The following LCLAT1 variants were observed in gnomAD, a reference collection of about 807,000 sequenced individuals.
LCLAT1 encodes the protein 1-AGP acyltransferase 8.
A neutral mutation model predicts 30.7 loss-of-function variants in LCLAT1; 11 were observed. That is an observed-to-expected ratio of 0.36 (90% confidence interval 0.23 to 0.59). The LOEUF (loss-of-function observed/expected upper bound fraction) is 0.59, where lower values mean the gene tolerates loss of function less well. Among genes scored for constraint, LCLAT1 ranks in the 20% least tolerant of loss-of-function variants. LCLAT1 has a pLI of 0.77. For missense variants in LCLAT1, 402 were observed against 458.6 expected, an observed-to-expected ratio of 0.88 and a Z score of 1.13; for synonymous variants, 155 against 151.3, an observed-to-expected ratio of 1.02 and a Z score of -0.18.
intron 1 of LCLAT1, among the ~76,000 whole-genome samples, chr2:30,456,344 G>A (rs1176169168): frequency 6.6e-6 from 1 of 152,186 alleles, no homozygotes; most frequent in East Asian, 1.9e-4. Context: ...TCTCATTACT[G>A]CCAGGTGGGA....
chr2:30,465,241 C>T lies in LCLAT1; in HGVS notation c.-5+17858C>T, dbSNP rs76939043. On this transcript the variant is annotated intron_variant, in intron 1 of 5. Coordinates refer to ENST00000379509, the MANE Select transcript of LCLAT1 (RefSeq NM_001002257.3). ...CAAAGTGAGGCAGAGGGAGATTATACGTACACAGAGGAGGAGGAGGCAGTT... is the reference window on the plus strand; with the variant it reads ...CAAAGTGAGGCAGAGGGAGATTATATGTACACAGAGGAGGAGGAGGCAGTT... Among the ~76,000 whole-genome samples the T allele has an allele frequency of 8.0e-3, 1,216 of 152,154 alleles. 22 individuals are homozygous for T. The highest frequency in any genetic ancestry group is 0.05 in the East Asian group (260 of 5,186).
intron 5 of LCLAT1, among the ~76,000 whole-genome samples, chr2:30,614,592 G>A (rs1006098841): frequency 1.3e-5 from 2 of 152,082 alleles, no homozygotes; most frequent in Admixed American, 6.6e-5. Context: ...GGTTTTGGGG[G>A]AAAGGCCAAA....
chr2:30,465,412 T>G (rs1428041657), intron 1 of LCLAT1, among the ~76,000 whole-genome samples: 2 of 152,196 alleles, frequency 1.3e-5, no homozygotes, highest in Non-Finnish European at 2.9e-5. Context: ...TGATACTGCT[T>G]TCAGACTTTT....
chr2:30,596,915 CTTGT>C (rs1326990023), intron 5 of LCLAT1, among the ~76,000 whole-genome samples: 2 of 130,846 alleles, frequency 1.5e-5, no homozygotes, highest in African/African-American at 2.9e-5. Flanking sequence ...TTCCCCATTG[CTTGT>C]TTTTGTCAGG....
chr2:30,475,516 A>G (rs1324339103), intron 1 of LCLAT1, among the ~76,000 whole-genome samples: 1 of 152,192 alleles, frequency 6.6e-6, no homozygotes, highest in Non-Finnish European at 1.5e-5. Context: ...TGGATTACTG[A>G]CCTATACAAC....
intron 1 of LCLAT1, among the ~76,000 whole-genome samples, chr2:30,461,288 T>C (rs1682110623): frequency 6.6e-6 from 1 of 152,172 alleles, no homozygotes; most frequent in Non-Finnish European, 1.5e-5. Flanking sequence ...GGTCTCAGAG[T>C]GCAGTGTGCT....
intron 4 of LCLAT1, among the ~76,000 whole-genome samples, chr2:30,562,558 C>T (rs1271737545): frequency 1.3e-5 from 2 of 152,088 alleles, no homozygotes; most frequent in Non-Finnish European, 2.9e-5. Context: ...CCTAAGGTCA[C>T]TCAGTTAATC....
At chr2:30,534,817 A>T (rs984301870) in intron 3 of LCLAT1, among the ~76,000 whole-genome samples, 5 of 152,138 alleles carry the variant, frequency 3.3e-5, no homozygotes, top group Non-Finnish European at 5.9e-5. Context: ...TAGAGGAGGG[A>T]GCATAGCCCC....
Position 30,447,781 on chromosome 2 carries a change from G to C in LCLAT1, c.-5+398G>C, listed in dbSNP as rs74597758. ...TGCACTGTCCCGGAACGCAACCTGA[G>C]GTCTGACCCTGTTAAATCCCATGCA... On this transcript the variant is annotated intron_variant, in intron 1 of 5. Coordinates refer to ENST00000379509, the MANE Select transcript of LCLAT1 (RefSeq NM_001002257.3). Among the ~76,000 whole-genome samples the C allele has an allele frequency of 9.7e-3, 1,481 of 152,358 alleles. 25 individuals carry two copies. Among genetic ancestry groups the C allele is most frequent in the African/African-American group, 0.034 (1,396 of 41,588 alleles).
At chr2:30,622,476 C>T (rs796350057) in intron 5 of LCLAT1, among the ~76,000 whole-genome samples, 16 of 152,300 alleles carry the variant, frequency 1.1e-4, no homozygotes, top group African/African-American at 3.1e-4. Flanking sequence ...AAAGTGCCAC[C>T]TCCTAGCTGG....
intron 5 of LCLAT1, among the ~76,000 whole-genome samples, chr2:30,583,933 A>G (rs1369960757): frequency 6.6e-6 from 1 of 151,820 alleles, no homozygotes; most frequent in East Asian, 1.9e-4. Context: ...TCCAGGATAC[A>G]TATGCAGAAC....
At chr2:30,461,568 G>C (rs539717108) in intron 1 of LCLAT1, among the ~76,000 whole-genome samples, 7 of 151,916 alleles carry the variant, frequency 4.6e-5, no homozygotes, top group Admixed American at 4.6e-4. Flanking sequence ...GCCCAGGTCT[G>C]ATTTTATCAT....
chr2:30,505,492 A>G (rs1684615777), intron 1 of LCLAT1, among the ~76,000 whole-genome samples: 1 of 152,170 alleles, frequency 6.6e-6, no homozygotes. Context: ...TAGATGATTT[A>G]TAAAATATTC....
chr2:30,464,907 G>C (rs1382465640), intron 1 of LCLAT1, among the ~76,000 whole-genome samples: 1 of 152,008 alleles, frequency 6.6e-6, no homozygotes, highest in Non-Finnish European at 1.5e-5. Context: ...TTTACATAGA[G>C]ATGGAATTTT....
intron 5 of LCLAT1, among the ~76,000 whole-genome samples, chr2:30,613,656 G>A (rs916895172): frequency 7.7e-6 from 1 of 130,218 alleles, no homozygotes; most frequent in Non-Finnish European, 1.6e-5. Context: ...TTCATCATCT[G>A]TGGGTGTTTC....
rs760622200 is a variant in LCLAT1, at chr2:30,461,770, C to CCTTTTTTTTTTTTTTTTTTTTTTTTT, written c.-5+14387_-5+14388insCTTTTTTTTTTTTTTTTTTTTTTTTT. Among the ~76,000 whole-genome samples the CCTTTTTTTTTTTTTTTTTTTTTTTTT allele has an allele frequency of 2.6e-3, 338 of 131,698 alleles. 21 individuals carry two copies. Among genetic ancestry groups the CCTTTTTTTTTTTTTTTTTTTTTTTTT allele is most frequent in the Admixed American group, 5.6e-3 (71 of 12,612 alleles). The allele number at this position is 131,698 out of a possible 152,430, so 86.4% of individuals were successfully genotyped here. ...TGTGGACCACTTTTTCTAAATTAAA[C>CCTTTTTTTTTTTTTTTTTTTTTTTTT]TTTTTTTTTTTTTTTTTTGAGACGG... On this transcript the variant is annotated intron_variant, in intron 1 of 5. Transcript: ENST00000379509.
chr2:30,577,925 A>G (rs1364628448), intron 5 of LCLAT1, among the ~76,000 whole-genome samples: 1 of 152,084 alleles, frequency 6.6e-6, no homozygotes, highest in East Asian at 1.9e-4. Flanking sequence ...TCTGTCTGTG[A>G]TTCCTTATTA....
chr2:30,560,282 TG>T (rs1310201913), intron 3 of LCLAT1, among the ~76,000 whole-genome samples: 12 of 120,172 alleles, frequency 1.0e-4, no homozygotes, highest in South Asian at 3.0e-4. Flanking sequence ...AAATAAAGTG[TG>T]GTGTGTGTGT....
intron 1 of LCLAT1, among the ~76,000 whole-genome samples, chr2:30,480,757 T>C (rs1683279612): frequency 6.6e-6 from 1 of 151,970 alleles, no homozygotes; most frequent in Non-Finnish European, 1.5e-5. Context: ...GTTTCTGGGG[T>C]TGGGGAAAAT....
Sources: allele counts gnomAD v4.1 joint callset (sites outside exome capture counted in the v4.1 genomes callset), GRCh38; gene constraint gnomAD v4.1.1; transcripts MANE v1.5; gene names NCBI Gene and HGNC (gene_info 2026-07-23, HGNC 2026-07-21).